TEX264: variants seen among roughly 807,000 people sequenced by gnomAD.
The protein encoded by TEX264 is testis-expressed protein 264.
Under a neutral mutation model 23.4 loss-of-function variants are expected in TEX264, and 13 were observed. The ratio of observed to expected loss-of-function variants is 0.56; its 90% CI spans 0.36 to 0.88. The LOEUF (loss-of-function observed/expected upper bound fraction) is 0.88. Among genes scored for constraint, TEX264 ranks in the 40% least tolerant of loss-of-function variants. The pLI, the probability that TEX264 is intolerant of heterozygous loss-of-function variation, is 0.01. For missense variants in TEX264, 340 were observed against 406.8 expected, an observed-to-expected ratio of 0.84 and a Z score of 1.41; for synonymous variants, 159 against 170.0, an observed-to-expected ratio of 0.94 and a Z score of 0.50.
At chr3:51,702,785 C>G (rs1305462443) in intron 4 of TEX264, among the ~76,000 whole-genome samples, 1 of 152,230 alleles carries the variant, frequency 6.6e-6, no homozygotes, top group Non-Finnish European at 1.5e-5. Flanking sequence ...TGCCTCTGAT[C>G]CAGGGAGATG....
At chr3:51,687,862 G>T (rs1702682924) in intron 3 of TEX264, among the ~76,000 whole-genome samples, 1 of 152,192 alleles carries the variant, frequency 6.6e-6, no homozygotes. Flanking sequence ...ACGGCGAGAG[G>T]CCCAAGGAGA....
chr3:51,675,766 T>C (rs1702207500), intron 2 of TEX264, among the ~76,000 whole-genome samples: 2 of 152,268 alleles, frequency 1.3e-5, no homozygotes, highest in African/African-American at 4.8e-5. Flanking sequence ...GGTACTTGGC[T>C]AAGAAAACTG....
chr3:51,687,807 G>A (rs1702680794), intron 3 of TEX264, among the ~76,000 whole-genome samples: 1 of 152,176 alleles, frequency 6.6e-6, no homozygotes, highest in South Asian at 2.1e-4. Flanking sequence ...ATGTGCCTGA[G>A]CCTGGAACAG....
rs1702842490 is a variant in TEX264 at position 51,691,920 on chromosome 3, C to T, written c.480+7286C>T. On this transcript the variant is annotated intron_variant, in intron 3 of 4. Coordinates refer to ENST00000341333, the MANE Select transcript of TEX264 (RefSeq NM_015926.6). The surrounding 1 kb of genome is among the most constrained non-coding windows in gnomAD (Gnocchi z 4.4). ...CCATACCACGGCTTGGCTTCCCCGG[C>T]TCCCCTTAGGGAGCTACCCTTGGGT... is the stretch of plus-strand genomic sequence containing the variant. 6.6e-6 allele frequency among the ~76,000 whole-genome samples: 1 copy of T among 152,230 alleles called. No individual in the cohort carries two copies. The highest frequency in any genetic ancestry group is 2.4e-5 in the African/African-American group (1 of 41,462).
intron 2 of TEX264, 82 bp from the exon 3 acceptor site, chr3:51,684,331 A>T (rs1039037876): frequency 9.9e-6 from 13 of 1,309,714 alleles, no homozygotes; most frequent in Non-Finnish European, 1.4e-5. Context: ...TTTAGGCCTG[A>T]TCTGGCACAG....
At chr3:51,696,103 T>G (rs1703046688) in intron 3 of TEX264, among the ~76,000 whole-genome samples, 1 of 152,164 alleles carries the variant, frequency 6.6e-6, no homozygotes, top group South Asian at 2.1e-4. Flanking sequence ...GGAAAGAGGC[T>G]TTATAGTCTC....
rs1703383135 is a variant in TEX264, at chr3:51,703,290, C to T, written c.650-434C>T. On this transcript the variant is annotated intron_variant, in intron 4 of 4. Transcript: ENST00000341333. This position sits in a 1 kb window ranked among gnomAD's most constrained non-coding sequence, Gnocchi z 4.8. ...TGTGGGTGATGTTCTGTAGCTGGCC[C>T]TGGACACATCTCTTTCCAAGCTTGA... Among the ~76,000 whole-genome samples, 1 of 152,138 alleles carries T rather than the reference C, an allele frequency of 6.6e-6. No homozygotes were observed. The highest frequency in any genetic ancestry group is 6.5e-5 in the Admixed American group (1 of 15,280).
At chr3:51,692,983 T>A (rs1702882095) in intron 3 of TEX264, among the ~76,000 whole-genome samples, 2 of 152,222 alleles carry the variant, frequency 1.3e-5, no homozygotes, top group Non-Finnish European at 2.9e-5. Flanking sequence ...AAGGTAAGGC[T>A]GGGTATGGAT....
chr3:51,696,956 G>A (rs914284006), intron 3 of TEX264, among the ~76,000 whole-genome samples: 2 of 152,210 alleles, frequency 1.3e-5, no homozygotes, highest in Non-Finnish European at 2.9e-5. Flanking sequence ...CAGGCTCTGG[G>A]ACCTGGTGCT....
chr3:51,675,293 G>A (rs1478558818), intron 2 of TEX264, among the ~76,000 whole-genome samples: 1 of 152,206 alleles, frequency 6.6e-6, no homozygotes, highest in Non-Finnish European at 1.5e-5. Flanking sequence ...GCTATGCTAT[G>A]GGGTGGTGCT....
At chr3:51,680,299 C>T (rs564643747) in intron 2 of TEX264, among the ~76,000 whole-genome samples, 1 of 152,366 alleles carries the variant, frequency 6.6e-6, no homozygotes, top group South Asian at 2.1e-4. Context: ...TCAGTCTTGT[C>T]CAGTTCCCAG....
intron 2 of TEX264, among the ~76,000 whole-genome samples, 156 bp downstream of exon 2, chr3:51,674,718 T>C (rs1359954618): frequency 6.6e-6 from 1 of 152,204 alleles, no homozygotes; most frequent in African/African-American, 2.4e-5. Flanking sequence ...CTTCCAGATT[T>C]AGCCTGGACT....
chr3:51,684,532 G>A lies in TEX264; in HGVS notation c.378G>A (p.Pro126=), dbSNP rs766836174. ...QKFGFKVFSF[P]APSHVVTATF... ...TTGGCTTCAAGGTGTTCTCCTTCCC[G>A]GCACCCAGCCATGTGGTGACAGCCA... is the stretch of plus-strand genomic sequence containing the variant. Residue 126 remains proline, a synonymous_variant, in exon 3 of 5, where the codon CCG becomes CCA. Transcript: ENST00000341333. The A allele has an allele frequency of 1.1e-5, 18 of 1,614,004 alleles. No homozygotes were observed. Among genetic ancestry groups the A allele is most frequent in the Middle Eastern group, 1.6e-4 (1 of 6,084 alleles).
rs1253874212 is a variant in TEX264, at chr3:51,689,937, G to C, written c.480+5303G>C. On this transcript the variant is annotated intron_variant, in intron 3 of 4. Transcript: ENST00000341333. ...GGAGCTGCAGGTTGGAGTTCTCCTGGGGTGGTGGTGACTGAACTCCTGAGT... is the reference window on the plus strand; with the variant it reads ...GGAGCTGCAGGTTGGAGTTCTCCTGCGGTGGTGGTGACTGAACTCCTGAGT... 3.3e-5 allele frequency among the ~76,000 whole-genome samples: 5 copies of C among 152,174 alleles called. No homozygotes were observed. In the East Asian group the frequency reaches 9.6e-4, roughly 29 times the overall value.
chr3:51,685,957 C>T (rs986496671), intron 3 of TEX264, among the ~76,000 whole-genome samples: 4 of 152,166 alleles, frequency 2.6e-5, no homozygotes, highest in Non-Finnish European at 5.9e-5. Context: ...GGGCTCTGCT[C>T]CCCTCTGGCC....
In TEX264 at chr3:51,686,775, G is replaced by T. The variant is rs1419349388; in HGVS notation, c.480+2141G>T. 4.6e-5 allele frequency among the ~76,000 whole-genome samples: 7 copies of T among 152,054 alleles called. No homozygotes were observed. The highest frequency in any genetic ancestry group is 1.3e-4 in the Admixed American group (2 of 15,272). The stretch of plus-strand genomic sequence containing the variant: ...GGGAGTCCCGCCCCATTTCATTCAA[G>T]GAAGGCCTCTCCAGTCCTGTCGGTG... On this transcript the variant is annotated intron_variant, in intron 3 of 4. Coordinates refer to ENST00000341333, the MANE Select transcript of TEX264 (RefSeq NM_015926.6). This position sits in a 1 kb window ranked among gnomAD's most constrained non-coding sequence, Gnocchi z 4.1.
At position 51,693,325 on chromosome 3, in the gene TEX264, C is replaced by T. The variant is rs6768707; in HGVS notation, c.481-6081C>T. Among the ~76,000 whole-genome samples, 593 of 152,294 alleles carry T rather than the reference C, an allele frequency of 3.9e-3. 6 individuals carry two copies. The highest frequency in any genetic ancestry group is 0.013 in the African/African-American group (559 of 41,556). ...CCCGCCCCATTCTCTCTCACACCTT[C>T]CCACTCCTGCAGTCTTCCCCAGGTT... On this transcript the variant is annotated intron_variant, in intron 3 of 4. Transcript: ENST00000341333.
intron 3 of TEX264, among the ~76,000 whole-genome samples, chr3:51,685,324 C>T (rs561474775): frequency 1.2e-4 from 19 of 152,316 alleles, no homozygotes; most frequent in African/African-American, 3.6e-4. Context: ...TGGGCTTGGA[C>T]GTGATTGTTC....
At chr3:51,684,340 A>T in intron 2 of TEX264, 73 bp from the exon 3 acceptor site, 1 of 1,393,570 alleles carries the variant, frequency 7.2e-7, no homozygotes, top group Non-Finnish European at 1.0e-6. Context: ...GATCTGGCAC[A>T]GTCCCAGGAG....
Sources: gnomAD v4.1 joint callset for allele counts (sites outside exome capture counted in the v4.1 genomes callset) on GRCh38, gnomAD v4.1.1 for gene constraint, Gnocchi (gnomAD v3.1) non-coding constraint, MANE v1.5 for transcripts, NCBI Gene and HGNC (gene_info 2026-07-23, HGNC 2026-07-21) for gene names.